CEP128: variants seen among roughly 807,000 people sequenced by gnomAD.
The protein encoded by CEP128 is centrosomal protein 128kDa.
CEP128 carries 132 observed loss-of-function variants against 156.7 expected under a neutral mutation model. The ratio of observed to expected loss-of-function variants is 0.84; its 90% confidence interval spans 0.73 to 0.97. CEP128 has a LOEUF of 0.97. Ranked by LOEUF, CEP128 falls within the 50% of genes least tolerant of loss-of-function variation. The pLI is 0.00. For synonymous variants in CEP128, 469 were observed against 448.9 expected, an observed-to-expected ratio of 1.04 and a Z score of -0.57; for missense variants, 1,252 against 1,281.9, an observed-to-expected ratio of 0.98 and a Z score of 0.36.
At chr14:80,674,128 C>G (rs10136185) in intron 19 of CEP128, among the ~76,000 whole-genome samples, 59,852 of 151,214 alleles carry the variant, frequency 0.4, 12,515 homozygotes, top group African/African-American at 0.55. Context: ...AACTGGTAAT[C>G]AGCAAAGTTT....
chr14:80,615,652 C>T (rs931212101), intron 19 of CEP128, among the ~76,000 whole-genome samples: 3 of 152,088 alleles, frequency 2.0e-5, no homozygotes, highest in Non-Finnish European at 2.9e-5. Context: ...AGTTCAAGAC[C>T]AGCCTGACCA....
Position 80,873,963 on chromosome 14 carries a change from G to A in CEP128, c.646-11090C>T, listed in dbSNP as rs12100625. ...CCTGGCTTTCTCCTCCTTGCCTTTC[G>A]TCATGATTGTGAGGCCTCCCCAGCC... On this transcript the variant is annotated intron_variant, in intron 8 of 24. Coordinates refer to ENST00000555265, the MANE Select transcript of CEP128 (RefSeq NM_152446.5). Among the ~76,000 whole-genome samples the A allele has an allele frequency of 3.0e-3, 453 of 151,986 alleles. 3 individuals carry two copies. Among genetic ancestry groups the A allele is most frequent in the African/African-American group, 9.2e-3 (382 of 41,462 alleles).
chr14:80,741,930 T>A (rs73340517), intron 19 of CEP128, among the ~76,000 whole-genome samples: 14 of 152,180 alleles, frequency 9.2e-5, no homozygotes, highest in South Asian at 6.2e-4. Flanking sequence ...ATTTTCCTTA[T>A]GGAAATCTTG....
At chr14:80,868,233 T>C (rs968413040) in intron 8 of CEP128, among the ~76,000 whole-genome samples, 4 of 152,216 alleles carry the variant, frequency 2.6e-5, no homozygotes, top group Non-Finnish European at 5.9e-5. Flanking sequence ...ACTCAAATTA[T>C]AATACTCTAA....
intron 9 of CEP128, among the ~76,000 whole-genome samples, chr14:80,847,901 T>C (rs892923863): frequency 2.6e-5 from 4 of 152,210 alleles, no homozygotes; most frequent in Admixed American, 6.5e-5. Context: ...CATGATAGTA[T>C]TGGCCAAATG....
chr14:80,732,925 T>C (rs1186701716), intron 19 of CEP128, among the ~76,000 whole-genome samples: 1 of 146,482 alleles, frequency 6.8e-6, no homozygotes, highest in Admixed American at 6.9e-5. Context: ...ACAAAGGTGG[T>C]ATAAAGGTTA....
chr14:80,803,302 G>C (rs745675380), intron 13 of CEP128, among the ~76,000 whole-genome samples: 1 of 150,036 alleles, frequency 6.7e-6, no homozygotes, highest in African/African-American at 2.5e-5. Flanking sequence ...GCCTTTATCT[G>C]ATTTTATGGT....
At chr14:80,742,236 T>C (rs1898868727) in intron 19 of CEP128, among the ~76,000 whole-genome samples, 1 of 152,202 alleles carries the variant, frequency 6.6e-6, no homozygotes, top group Non-Finnish European at 1.5e-5. Flanking sequence ...ACATTTTTGA[T>C]TTTAAGAATT....
intron 12 of CEP128, among the ~76,000 whole-genome samples, chr14:80,835,186 C>T (rs984150548): frequency 6.6e-6 from 1 of 152,142 alleles, no homozygotes; most frequent in Non-Finnish European, 1.5e-5. Context: ...GGATGGAGCA[C>T]AAAACTCCTC....
chr14:80,551,621 G>A (rs1030381517), intron 21 of CEP128, among the ~76,000 whole-genome samples: 1 of 152,190 alleles, frequency 6.6e-6, no homozygotes, highest in Non-Finnish European at 1.5e-5. Flanking sequence ...CTCTGCTAGA[G>A]TTTGTCACCT....
At chr14:80,659,505 C>T (rs1006389860) in intron 19 of CEP128, among the ~76,000 whole-genome samples, 2 of 152,086 alleles carry the variant, frequency 1.3e-5, no homozygotes, top group African/African-American at 2.4e-5. Context: ...GCATTAATGC[C>T]ATCATTTATG....
intron 8 of CEP128, 80 bp from the exon 9 acceptor site, chr14:80,862,953 CAG>C: frequency 1.1e-6 from 1 of 951,190 alleles, no homozygotes; most frequent in East Asian, 2.4e-5. Context: ...AGTTTTATAG[CAG>C]ATACACTACT....
At chr14:80,852,818 C>A (rs1886960229) in intron 9 of CEP128, among the ~76,000 whole-genome samples, 1 of 151,836 alleles carries the variant, frequency 6.6e-6, no homozygotes. Flanking sequence ...TTTTATGACA[C>A]TAATGTAACC....
intron 8 of CEP128, among the ~76,000 whole-genome samples, chr14:80,873,790 T>A (rs1888144845): frequency 6.6e-6 from 1 of 152,210 alleles, no homozygotes; most frequent in African/African-American, 2.4e-5. Flanking sequence ...GGGTCTTTCC[T>A]GCACTATTCC....
At chr14:80,713,328 T>C (rs556452470) in intron 19 of CEP128, among the ~76,000 whole-genome samples, 64 of 152,144 alleles carry the variant, frequency 4.2e-4, no homozygotes, top group Non-Finnish European at 8.2e-4. Context: ...CTACGACTTC[T>C]GTCTTTGGAA....
At chr14:80,817,837 C>T (rs528581829) in intron 13 of CEP128, among the ~76,000 whole-genome samples, 105 of 150,084 alleles carry the variant, frequency 7.0e-4, no homozygotes, top group Middle Eastern at 6.8e-3. Flanking sequence ...GTGGAGATCG[C>T]GCAACTACAC....
intron 19 of CEP128, among the ~76,000 whole-genome samples, chr14:80,657,214 G>A (rs1400062527): frequency 4.6e-5 from 7 of 151,452 alleles, no homozygotes; most frequent in African/African-American, 7.3e-5. Flanking sequence ...CCGAGATTAC[G>A]CCACTGCGCT....
intron 21 of CEP128, among the ~76,000 whole-genome samples, chr14:80,531,442 T>C (rs1287192241): frequency 6.6e-6 from 1 of 152,214 alleles, no homozygotes; most frequent in African/African-American, 2.4e-5. Flanking sequence ...TGATCATAAG[T>C]CAATAACTTA....
At chr14:80,875,987 G>C (rs181304005) in intron 8 of CEP128, among the ~76,000 whole-genome samples, 1 of 152,070 alleles carries the variant, frequency 6.6e-6, no homozygotes, top group Non-Finnish European at 1.5e-5. Flanking sequence ...TTATGGAGTT[G>C]AGGTGCTATA....
Sources: allele counts gnomAD v4.1 joint callset (sites outside exome capture counted in the v4.1 genomes callset), GRCh38; gene constraint gnomAD v4.1.1; transcripts MANE v1.5; gene names NCBI Gene and HGNC (gene_info 2026-07-23, HGNC 2026-07-21).